The following ADAMTS20 variants were observed in gnomAD, a reference collection of about 807,000 sequenced individuals.
The protein encoded by ADAMTS20 is ADAM metallopeptidase with thrombospondin type 1 motif 20.
Under a neutral mutation model 260.1 loss-of-function variants are expected in ADAMTS20, and 225 were observed. The observed-to-expected ratio is 0.87, with a 90% CI of 0.78 to 0.97. ADAMTS20 has a LOEUF of 0.97. Ranked by LOEUF, ADAMTS20 falls within the 50% of genes least tolerant of loss-of-function variation. The pLI, the probability that ADAMTS20 is intolerant of heterozygous loss-of-function variation, is 0.00. For synonymous variants in ADAMTS20, 802 were observed against 769.5 expected (o/e 1.04, Z -0.70); for missense variants, 2,400 against 2,337.7 (o/e 1.03, Z -0.55).
chr12:43,377,274 G>A, intron 32 of ADAMTS20, 91 bp downstream of exon 32: 1 of 1,145,222 alleles, frequency 8.7e-7, no homozygotes. Flanking sequence ...GCAACTCTGA[G>A]GATCTAGTTA....
At chr12:43,388,479 G>A (rs535458423) in intron 29 of ADAMTS20, among the ~76,000 whole-genome samples, 14 of 152,304 alleles carry the variant, frequency 9.2e-5, no homozygotes, top group African/African-American at 3.1e-4. Flanking sequence ...TGGCCATCTT[G>A]GCTGATTTGT....
At chr12:43,379,933 A>T (rs1940313190) in intron 31 of ADAMTS20, among the ~76,000 whole-genome samples, 1 of 152,096 alleles carries the variant, frequency 6.6e-6, no homozygotes, top group East Asian at 1.9e-4. Flanking sequence ...AAAAAGGAGC[A>T]CTGCCTAACT....
intron 28 of ADAMTS20, among the ~76,000 whole-genome samples, chr12:43,421,182 TA>T (rs1941226584): frequency 6.6e-6 from 1 of 151,650 alleles, no homozygotes; most frequent in South Asian, 2.1e-4. Context: ...GTACAGTATA[TA>T]TTTTTTTCTG....
At chr12:43,508,277 A>G (rs1942874031) in intron 3 of ADAMTS20, among the ~76,000 whole-genome samples, 1 of 152,356 alleles carries the variant, frequency 6.6e-6, no homozygotes, top group Middle Eastern at 3.4e-3. Context: ...TATTATTATC[A>G]TTATCATTGA....
chr12:43,505,172 G>T (rs1043142562), intron 3 of ADAMTS20, among the ~76,000 whole-genome samples: 7 of 152,052 alleles, frequency 4.6e-5, no homozygotes, highest in Non-Finnish European at 5.9e-5. Flanking sequence ...AAAGACCCAA[G>T]ATATTAAAAC....
intron 14 of ADAMTS20, among the ~76,000 whole-genome samples, chr12:43,449,870 A>G (rs926421073): frequency 6.6e-6 from 1 of 152,176 alleles, no homozygotes; most frequent in Non-Finnish European, 1.5e-5. Flanking sequence ...GTATTTAAAA[A>G]GACAGTATCC....
rs1941439924 is a variant in ADAMTS20, at chr12:43,431,401, G to A, written c.3192C>T (p.Thr1064=). The A allele has an allele frequency of 6.2e-7, 1 of 1,613,898 alleles. No individual in the cohort carries two copies. Among genetic ancestry groups the A allele is most frequent in the South Asian group, 1.1e-5 (1 of 91,076 alleles). The change falls in exon 22 of 39, where the codon ACC becomes ACT. Residue 1064 remains threonine, a synonymous_variant. Transcript: ENST00000389420. ...HLSDGFCNSS[T]KPESLSPCEL... ...CACATGGACTCAGAGATTCAGGTTT[G>A]GTACTTGAATTACAGAAGCCATCAC...
At chr12:43,378,245 C>T (rs1455661776) in intron 31 of ADAMTS20, among the ~76,000 whole-genome samples, 1 of 152,180 alleles carries the variant, frequency 6.6e-6, no homozygotes, top group African/African-American at 2.4e-5. Context: ...TAAAATCATT[C>T]CAGCCTACTG....
intron 29 of ADAMTS20, among the ~76,000 whole-genome samples, chr12:43,395,104 G>A (rs1349097502): frequency 1.3e-5 from 2 of 152,088 alleles, no homozygotes; most frequent in Non-Finnish European, 2.9e-5. Flanking sequence ...TAAAGGAGGA[G>A]CATTAACAGA....
chr12:43,460,120 T>C (rs183478590), intron 11 of ADAMTS20, among the ~76,000 whole-genome samples: 1 of 152,352 alleles, frequency 6.6e-6, no homozygotes, highest in East Asian at 1.9e-4. Context: ...GCTAAATATA[T>C]AGGGGTTCAC....
At chr12:43,390,836 G>T (rs1450319633) in intron 29 of ADAMTS20, among the ~76,000 whole-genome samples, 1 of 152,138 alleles carries the variant, frequency 6.6e-6, no homozygotes, top group East Asian at 1.9e-4. Flanking sequence ...AGCCCTTAAT[G>T]ATCCATTCGT....
At chr12:43,429,254 A>G (rs975343614) in intron 24 of ADAMTS20, among the ~76,000 whole-genome samples, 2 of 152,184 alleles carry the variant, frequency 1.3e-5, no homozygotes, top group Non-Finnish European at 2.9e-5. Context: ...TATACTCCAC[A>G]TACGTTAAAG....
intron 9 of ADAMTS20, among the ~76,000 whole-genome samples, chr12:43,465,288 C>A (rs1942134503): frequency 6.6e-6 from 1 of 151,966 alleles, no homozygotes; most frequent in Admixed American, 6.6e-5. Flanking sequence ...CATTTTGGTT[C>A]CCATCAATTC....
At chr12:43,396,897 T>C (rs990114520) in intron 29 of ADAMTS20, among the ~76,000 whole-genome samples, 2 of 152,106 alleles carry the variant, frequency 1.3e-5, no homozygotes, top group Non-Finnish European at 1.5e-5. Flanking sequence ...AACAGGAATA[T>C]TGGTGGCCAA....
At chr12:43,479,626 C>T (rs1289276542) in intron 7 of ADAMTS20, among the ~76,000 whole-genome samples, 2 of 151,912 alleles carry the variant, frequency 1.3e-5, no homozygotes, top group Admixed American at 6.6e-5. Context: ...GATTTACATA[C>T]ATTTAGAATT....
chr12:43,411,495 G>A (rs931913806), intron 28 of ADAMTS20, among the ~76,000 whole-genome samples: 2 of 151,946 alleles, frequency 1.3e-5, no homozygotes, highest in Admixed American at 6.6e-5. Context: ...AGCCTCCCAA[G>A]TAGCTGGGAT....
intron 28 of ADAMTS20, among the ~76,000 whole-genome samples, chr12:43,411,170 A>G (rs558767061): frequency 2.0e-5 from 3 of 152,296 alleles, no homozygotes; most frequent in South Asian, 2.1e-4. Flanking sequence ...TACCTGAATT[A>G]TGGGGCATCC....
At chr12:43,402,053 C>G (rs1940820843) in intron 28 of ADAMTS20, among the ~76,000 whole-genome samples, 1 of 151,944 alleles carries the variant, frequency 6.6e-6, no homozygotes, top group Non-Finnish European at 1.5e-5. Flanking sequence ...CAATCTTTCA[C>G]TTCCCTGAAC....
chr12:43,527,570 C>T (rs999761349), intron 3 of ADAMTS20, among the ~76,000 whole-genome samples: 14 of 151,856 alleles, frequency 9.2e-5, no homozygotes, highest in African/African-American at 1.2e-4. Flanking sequence ...ATCACATAAA[C>T]AGAATTAGAA....
Sources: allele counts gnomAD v4.1 joint callset (sites outside exome capture counted in the v4.1 genomes callset), GRCh38; gene constraint gnomAD v4.1.1; transcripts MANE v1.5; gene names NCBI Gene and HGNC (gene_info 2026-07-23, HGNC 2026-07-21).